Variants in TCF24 observed in about 807,000 individuals in gnomAD.
TCF24 encodes the protein transcription factor 24.
TCF24 carries 5 observed loss-of-function variants against 9.3 expected under a neutral mutation model. The observed-to-expected ratio is 0.54, with a 90% CI of 0.28 to 1.13. TCF24 has a LOEUF of 1.13. TCF24 is among the 50% of genes most tolerant of loss of function. The pLI, the probability that TCF24 is intolerant of heterozygous loss-of-function variation, is 0.09. For missense variants in TCF24, 220 were observed against 236.1 expected, an observed-to-expected ratio of 0.93 and a Z score of 0.45; for synonymous variants, 110 against 115.8, an observed-to-expected ratio of 0.95 and a Z score of 0.32.
chr8:66,961,524 G>T lies in TCF24; in HGVS notation c.242C>A (p.Pro81His). The T allele has an allele frequency of 6.6e-7, 1 of 1,514,978 alleles. No individual in the cohort carries two copies. The highest frequency in any genetic ancestry group is 8.8e-7 in the Non-Finnish European group (1 of 1,138,564). The allele number at this position is 1,514,978 out of a possible 1,614,324, so 93.8% of individuals were successfully genotyped here. Residue 81 changes from proline (P) to histidine (H), a missense_variant, in exon 3 of 4, where the codon CCC (proline) becomes CAC (histidine). Physicochemically the swap from Pro to His is moderately conservative, Grantham distance 77. Coordinates refer to ENST00000563496, the MANE Select transcript of TCF24 (RefSeq NM_001193502.2). Reference sequence around the variant, plus strand: ...GTCCAGCTTGGACAGCTTGGTGTCGGGCGGCACGGACGGCAGCGTGCGCTG... The same window carrying T: ...GTCCAGCTTGGACAGCTTGGTGTCGTGCGGCACGGACGGCAGCGTGCGCTG... ...ELQRTLPSVP[P>H]DTKLSKLDVL...
chr8:66,955,238 A>G (rs1286867041), intron 3 of TCF24: 1 of 152,246 alleles, frequency 6.6e-6, no homozygotes, highest in Non-Finnish European at 1.5e-5. Flanking sequence ...ATTGCCAGAC[A>G]GACATAATGA....
chr8:66,949,114 TTTA>T (rs948324936), intron 3 of TCF24, among the ~76,000 whole-genome samples: 2 of 152,160 alleles, frequency 1.3e-5, no homozygotes, highest in African/African-American at 4.8e-5. Context: ...TTCTTTTTTT[TTTA>T]TTATACTTTA....
At chr8:66,954,786 T>G (rs1404156707) in intron 3 of TCF24, among the ~76,000 whole-genome samples, 1 of 152,230 alleles carries the variant, frequency 6.6e-6, no homozygotes, top group African/African-American at 2.4e-5. Flanking sequence ...GTGCGGGATA[T>G]AATCTCGTGG....
At chr8:66,962,293 G>T (rs947508136) in intron 1 of TCF24, 36 bp downstream of exon 1, 1 of 152,406 alleles carries the variant, frequency 6.6e-6, no homozygotes. Context: ...TTCCGAGCCC[G>T]AGAGCTGCGC....
In TCF24 at chr8:66,962,567, G is replaced by A. The variant is rs372695229; in HGVS notation, c.-373C>T. On this transcript the variant is annotated 5_prime_UTR_variant, in exon 1 of 4. Transcript: ENST00000563496. ...GCGGAGGACCTGGCCCACCGGAGAG[G>A]CTACGCCGGGGGCTGAGGCGGCTTA... 6.6e-6 allele frequency: 1 copy of A among 152,314 alleles called. No individual in the cohort carries two copies. Among genetic ancestry groups the A allele is most frequent in the Non-Finnish European group, 1.5e-5 (1 of 68,118 alleles). 9.4% of individuals were successfully genotyped at this position (152,314 alleles called of 1,614,324 possible). A position where few individuals can be genotyped will look rare whatever the true frequency, so the allele number is the denominator to read the frequency against.
Position 66,948,043 on chromosome 8 carries a change from G to A in TCF24, c.*8C>T, listed in dbSNP as rs981049170. On this transcript the variant is annotated 3_prime_UTR_variant, in exon 4 of 4. Transcript: ENST00000563496. ...CACCACTTCTACCAGCCCCCACCAG[G>A]GGAGAGCCTAAGGCTGTGAGTCTGT... 1 of 1,513,362 alleles carries A rather than the reference G, an allele frequency of 6.6e-7. No homozygotes were observed. Among genetic ancestry groups the A allele is most frequent in the Non-Finnish European group, 8.8e-7 (1 of 1,136,412 alleles). The allele number at this position is 1,513,362 out of a possible 1,614,324, so 93.7% of individuals were successfully genotyped here. A position where few individuals can be genotyped will look rare whatever the true frequency, so the allele number is the denominator to read the frequency against.
rs1276752948 is a variant in TCF24, at chr8:66,961,595, C to T, written c.171G>A (p.Arg57=). Residue 57 remains arginine, a synonymous_variant, in exon 3 of 4, where the codon CGG becomes CGA. Transcript: ENST00000563496. ...SGRPAAANAA[R]ERSRVQTLRH... ...GCAGGGTCTGCACCCGGCTGCGCTC[C>T]CGCGCCGCATTCGCCGCCGCCGGCC... 6 of 1,331,160 alleles carry T rather than the reference C, an allele frequency of 4.5e-6. No homozygotes were observed. Among genetic ancestry groups the T allele is most frequent in the Non-Finnish European group, 5.8e-6 (6 of 1,041,000 alleles). 82.5% of individuals were successfully genotyped at this position (1,331,160 alleles called of 1,614,324 possible).
Position 66,946,742 on chromosome 8 carries a change from C to T in TCF24, c.*1309G>A, listed in dbSNP as rs780514276. On this transcript the variant is annotated 3_prime_UTR_variant, in exon 4 of 4. Transcript: ENST00000563496. ...GGATGAGAAGAATTAAAAAGTAATA[C>T]CATCAAAGGCAAAGCTCTACTAACT... The T allele has an allele frequency of 9.9e-5, 15 of 152,074 alleles. No individual in the cohort carries two copies. The highest frequency in any genetic ancestry group is 1.9e-4 in the Non-Finnish European group (13 of 67,994). 9.4% of individuals were successfully genotyped at this position (152,074 alleles called of 1,614,324 possible).
intron 3 of TCF24, among the ~76,000 whole-genome samples, chr8:66,952,847 T>C (rs1243121446): frequency 7.4e-5 from 11 of 148,020 alleles, no homozygotes; most frequent in African/African-American, 2.7e-4. Context: ...TACCATTATG[T>C]AATGGCCTTC....
At position 66,961,711 on chromosome 8, in the gene TCF24, G is replaced by T. The variant is rs1243201597; in HGVS notation, c.55C>A (p.Pro19Thr). The T allele has an allele frequency of 4.6e-6, 5 of 1,095,586 alleles. No homozygotes were observed. The East Asian group carries it at 2.1e-4, about 46-fold the overall frequency. The allele number at this position is 1,095,586 out of a possible 1,614,324, so 67.9% of individuals were successfully genotyped here. ...SPLSASAEPA[P>T]LAAAIRDSRP... ...GAGTCGCGGATGGCGGCGGCCAGGG[G>T]CGCGGGCTCGGCGCTGGCGCTGAGG... Residue 19 changes from proline to threonine, a missense_variant, in exon 3 of 4, where the codon CCC becomes ACC. Coordinates refer to ENST00000563496, the MANE Select transcript of TCF24 (RefSeq NM_001193502.2).
At chr8:66,953,032 G>T (rs369005304) in intron 3 of TCF24, among the ~76,000 whole-genome samples, 4 of 136,830 alleles carry the variant, frequency 2.9e-5, no homozygotes, top group Non-Finnish European at 6.3e-5. Context: ...ACACTGATGG[G>T]TCTTGACTCT....
At chr8:66,952,159 C>T (rs1423208363) in intron 3 of TCF24, among the ~76,000 whole-genome samples, 1 of 147,438 alleles carries the variant, frequency 6.8e-6, no homozygotes, top group Non-Finnish European at 1.5e-5. Flanking sequence ...TTTGCTCTTG[C>T]TTTTCTAGTT....
intron 3 of TCF24, among the ~76,000 whole-genome samples, chr8:66,954,723 C>A (rs1814123992): frequency 1.3e-5 from 2 of 152,274 alleles, no homozygotes; most frequent in African/African-American, 2.4e-5. Context: ...TGATCTCAGA[C>A]TGCTGTGCTA....
intron 3 of TCF24, among the ~76,000 whole-genome samples, chr8:66,957,541 C>CT (rs1814179744): frequency 6.6e-6 from 1 of 152,048 alleles, no homozygotes; most frequent in Admixed American, 6.6e-5. Flanking sequence ...GAACTAAACC[C>CT]TGCATCTTGA....
At chr8:66,960,472 G>C (rs1814235815) in intron 3 of TCF24, among the ~76,000 whole-genome samples, 1 of 152,020 alleles carries the variant, frequency 6.6e-6, no homozygotes, top group Admixed American at 6.6e-5. Flanking sequence ...GGGTGGTGGA[G>C]CCAAAACTGA....
chr8:66,953,577 G>T (rs1240781599), intron 3 of TCF24, among the ~76,000 whole-genome samples: 2 of 150,408 alleles, frequency 1.3e-5, no homozygotes, highest in Admixed American at 6.6e-5. Flanking sequence ...ATGTGTCTTG[G>T]AGTTGCTCTT....
intron 3 of TCF24, among the ~76,000 whole-genome samples, chr8:66,953,460 G>C (rs1369447370): frequency 1.3e-5 from 2 of 152,188 alleles, no homozygotes; most frequent in African/African-American, 4.8e-5. Flanking sequence ...TCTGCCGAGA[G>C]ATCCGCTGTT....
chr8:66,955,348 C>T (rs1433892160), intron 3 of TCF24, among the ~76,000 whole-genome samples: 1 of 150,448 alleles, frequency 6.6e-6, no homozygotes, highest in Non-Finnish European at 1.5e-5. Flanking sequence ...CCTTGGAATA[C>T]TACTTTTGTT....
In TCF24 at chr8:66,952,790, G is replaced by A. The variant is rs541770021; in HGVS notation, c.391-4626C>T. ...GAATCTAGGTGCTCCTGTATTGGGC[G>A]CATATATATTTAGGATAGTTAGCTC... On this transcript the variant is annotated intron_variant, in intron 3 of 3. Coordinates refer to ENST00000563496, the MANE Select transcript of TCF24 (RefSeq NM_001193502.2). Among the ~76,000 whole-genome samples, 131 of 151,764 alleles carry A rather than the reference G, an allele frequency of 8.6e-4. 1 individual carries two copies. In the South Asian group the frequency reaches 0.022, roughly 25 times the overall value.
Sources: gnomAD v4.1 joint callset for allele counts (sites outside exome capture counted in the v4.1 genomes callset) on GRCh38, gnomAD v4.1.1 for gene constraint, MANE v1.5 for transcripts, NCBI Gene and HGNC (gene_info 2026-07-23, HGNC 2026-07-21) for gene names.